The following TLL1 variants were observed in gnomAD, a reference collection of about 807,000 sequenced individuals.
TLL1 encodes tolloid like 1.
In TLL1, 49 loss-of-function variants were observed where a neutral mutation model predicts 128.2. The observed-to-expected ratio is 0.38, with a 90% CI of 0.30 to 0.48. The LOEUF (loss-of-function observed/expected upper bound fraction) is 0.48. Among genes scored for constraint, TLL1 ranks in the 20% least tolerant of loss-of-function variants. The pLI is 0.96. For missense variants in TLL1, 1,123 were observed against 1,242.0 expected, an observed-to-expected ratio of 0.90 and a Z score of 1.44; for synonymous variants, 454 against 418.8, an observed-to-expected ratio of 1.08 and a Z score of -1.03.
intron 9 of TLL1, among the ~76,000 whole-genome samples, chr4:166,038,738 T>C (rs957133981): frequency 2.0e-5 from 3 of 152,222 alleles, no homozygotes; most frequent in Non-Finnish European, 2.9e-5. Flanking sequence ...GAAAGGTCTT[T>C]GTATATACAT....
chr4:166,057,129 A>G (rs987350741), intron 13 of TLL1, 55 bp from the exon 14 acceptor site: 7 of 1,605,950 alleles, frequency 4.4e-6, no homozygotes, highest in Non-Finnish European at 3.4e-6. Flanking sequence ...ACCATTTCAC[A>G]TACATACACA....
At chr4:166,039,620 A>T (rs909086134) in intron 10 of TLL1, among the ~76,000 whole-genome samples, 179 bp downstream of exon 10, 2 of 152,124 alleles carry the variant, frequency 1.3e-5, no homozygotes, top group Non-Finnish European at 2.9e-5. Flanking sequence ...GGATAAATAC[A>T]TTGACTGATT....
chr4:165,908,639 A>G (rs1228394849), intron 1 of TLL1, among the ~76,000 whole-genome samples: 7 of 151,698 alleles, frequency 4.6e-5, no homozygotes, highest in Non-Finnish European at 1.0e-4. Context: ...AGCAGTCTGC[A>G]TGGAATTCAG....
chr4:166,082,204 T>G (rs1464368015), intron 18 of TLL1, among the ~76,000 whole-genome samples: 3 of 152,142 alleles, frequency 2.0e-5, no homozygotes, highest in African/African-American at 7.2e-5. Context: ...AAAGACGCAT[T>G]GCTGCCACAC....
intron 1 of TLL1, among the ~76,000 whole-genome samples, chr4:165,950,280 A>G (rs561964865): frequency 6.6e-6 from 1 of 152,258 alleles, no homozygotes; most frequent in South Asian, 2.1e-4. Flanking sequence ...ATCACAAGAT[A>G]TGAAGCAAGA....
intron 1 of TLL1, among the ~76,000 whole-genome samples, chr4:165,976,902 G>A (rs544443320): frequency 1.3e-5 from 2 of 152,204 alleles, no homozygotes; most frequent in African/African-American, 4.8e-5. Flanking sequence ...AAAACATTAT[G>A]CGGTTTTTTT....
intron 1 of TLL1, among the ~76,000 whole-genome samples, chr4:165,955,903 G>A (rs542457695): frequency 2.0e-5 from 3 of 152,218 alleles, no homozygotes; most frequent in Admixed American, 6.5e-5. Context: ...GAAATAAAGA[G>A]AAAGGGTACC....
intron 8 of TLL1, among the ~76,000 whole-genome samples, chr4:166,024,438 T>C (rs542801490): frequency 4.5e-4 from 69 of 152,290 alleles, no homozygotes; most frequent in African/African-American, 1.6e-3. Flanking sequence ...TTTCAAATTG[T>C]TGAGTGAAGG....
chr4:165,977,403 A>T (rs1387755793), intron 1 of TLL1, among the ~76,000 whole-genome samples: 7 of 152,256 alleles, frequency 4.6e-5, no homozygotes, highest in Non-Finnish European at 1.0e-4. Flanking sequence ...TTCTACCATG[A>T]TTGTAAGTTT....
intron 1 of TLL1, among the ~76,000 whole-genome samples, chr4:165,911,747 T>C (rs1211050347): frequency 1.3e-5 from 2 of 152,202 alleles, no homozygotes; most frequent in Non-Finnish European, 2.9e-5. Context: ...ATGTATTTCA[T>C]TCATAAAATG....
chr4:165,948,256 TTG>T (rs1734349466), intron 1 of TLL1, among the ~76,000 whole-genome samples: 1 of 152,136 alleles, frequency 6.6e-6, no homozygotes, highest in Admixed American at 6.6e-5. Flanking sequence ...AGCAGATAAC[TTG>T]TGTCTTTAAT....
In TLL1 at chr4:165,906,374, A is replaced by G. The variant is rs551651897; in HGVS notation, c.169+32301A>G. Among the ~76,000 whole-genome samples the G allele has an allele frequency of 2.1e-4, 32 of 152,322 alleles. 1 individual carries two copies. The South Asian group carries it at 6.4e-3, about 31-fold the overall frequency. On this transcript the variant is annotated intron_variant, in intron 1 of 20. Transcript: ENST00000061240. Reference sequence around the variant, plus strand: ...CTTATAAGGTAGATATTGTTCCAATACCAATTTAACATGTGAGGAAACTGA... The same window carrying G: ...CTTATAAGGTAGATATTGTTCCAATGCCAATTTAACATGTGAGGAAACTGA...
intron 8 of TLL1, among the ~76,000 whole-genome samples, chr4:166,024,592 A>G (rs1211200703): frequency 6.6e-6 from 1 of 152,196 alleles, no homozygotes; most frequent in Admixed American, 6.5e-5. Flanking sequence ...GCCCTGGGTG[A>G]ACACAGATCC....
chr4:165,948,509 T>C (rs1025864616), intron 1 of TLL1, among the ~76,000 whole-genome samples: 1 of 152,058 alleles, frequency 6.6e-6, no homozygotes, highest in Non-Finnish European at 1.5e-5. Flanking sequence ...TTTCTTACAG[T>C]TATGGAGGCT....
chr4:166,064,827 C>G (rs1560847286), intron 15 of TLL1, among the ~76,000 whole-genome samples: 1 of 152,082 alleles, frequency 6.6e-6, no homozygotes, highest in African/African-American at 2.4e-5. Flanking sequence ...TATTCATCAC[C>G]TATTTAGTAG....
rs929906019 is a variant in TLL1, at chr4:165,888,471, T to A, written c.169+14398T>A. On this transcript the variant is annotated intron_variant, in intron 1 of 20. Transcript: ENST00000061240. ...AGTTTATTGTTACTTTGTTTCTGTG[T>A]TTATCAGTTTAATTGACTTAAATCT... Among the ~76,000 whole-genome samples, 45 of 152,148 alleles carry A rather than the reference T, an allele frequency of 3.0e-4. 1 individual carries two copies. The highest frequency in any genetic ancestry group is 9.9e-4 in the African/African-American group (41 of 41,442).
At chr4:165,940,109 C>A (rs1733940499) in intron 1 of TLL1, among the ~76,000 whole-genome samples, 1 of 151,948 alleles carries the variant, frequency 6.6e-6, no homozygotes, top group Non-Finnish European at 1.5e-5. Flanking sequence ...TCACATCTAG[C>A]ATTGACCTAA....
chr4:165,923,972 G>A (rs1733161183), intron 1 of TLL1, among the ~76,000 whole-genome samples: 1 of 152,072 alleles, frequency 6.6e-6, no homozygotes, highest in South Asian at 2.1e-4. Context: ...TCTTGGAATT[G>A]TTTTGGAGCA....
intron 1 of TLL1, among the ~76,000 whole-genome samples, chr4:165,986,009 A>G (rs1330231266): frequency 2.0e-5 from 3 of 149,390 alleles, no homozygotes; most frequent in African/African-American, 7.6e-5. Context: ...CCCAATAACC[A>G]TTTTCCCATT....
Sources: allele counts gnomAD v4.1 joint callset (sites outside exome capture counted in the v4.1 genomes callset), GRCh38; gene constraint gnomAD v4.1.1; transcripts MANE v1.5; gene names NCBI Gene and HGNC (gene_info 2026-07-23, HGNC 2026-07-21).